Variants in SPMIP4 observed in about 807,000 individuals in gnomAD.
SPMIP4 encodes sperm-associated microtubule inner protein 4.
At chr7:25,172,491 G>A in the SPMIP4 span, among the ~76,000 whole-genome samples, 2 of 152,180 alleles carry the variant, frequency 1.3e-5, no homozygotes, top group African/African-American at 4.8e-5. This position sits in a 1 kb window ranked among gnomAD's most constrained non-coding sequence, Gnocchi z 4.2. Flanking sequence ...AGCATGGCAT[G>A]GTGTGACTCT....
the SPMIP4 span, among the ~76,000 whole-genome samples, chr7:25,145,739 TC>T: frequency 6.6e-6 from 1 of 152,208 alleles, no homozygotes; most frequent in Non-Finnish European, 1.5e-5. Context: ...GTGGTTACAT[TC>T]CCAGCATAGC....
At chr7:25,152,807 G>C in the SPMIP4 span, among the ~76,000 whole-genome samples, 9 of 138,424 alleles carry the variant, frequency 6.5e-5, no homozygotes, top group Admixed American at 6.8e-4. Context: ...GCAGTGGCAT[G>C]ATCTCAGCTC....
chr7:25,133,843 T>C, the SPMIP4 span, among the ~76,000 whole-genome samples: 1 of 152,208 alleles, frequency 6.6e-6, no homozygotes, highest in Non-Finnish European at 1.5e-5. Context: ...CATTGCTCTA[T>C]ATATTATGTT....
the SPMIP4 span, among the ~76,000 whole-genome samples, chr7:25,173,771 C>T: frequency 1.3e-5 from 2 of 152,192 alleles, no homozygotes; most frequent in Non-Finnish European, 2.9e-5. This position sits in a 1 kb window ranked among gnomAD's most constrained non-coding sequence, Gnocchi z 4.4. Context: ...AATTTCTCAA[C>T]ATCTGACCCC....
the SPMIP4 span, among the ~76,000 whole-genome samples, chr7:25,147,408 G>A: frequency 1.3e-5 from 2 of 152,172 alleles, no homozygotes; most frequent in African/African-American, 4.8e-5. Flanking sequence ...GGAAGAGAAG[G>A]GTAGCAGGAG....
chr7:25,127,943 A>G, the SPMIP4 span, among the ~76,000 whole-genome samples: 81 of 152,364 alleles, frequency 5.3e-4, no homozygotes, highest in African/African-American at 1.9e-3. Flanking sequence ...CAGTAAAACT[A>G]TAGCTTTTGC....
chr7:25,154,994 T>C, the SPMIP4 span: 1 of 1,599,802 alleles, frequency 6.3e-7, no homozygotes, highest in Non-Finnish European at 8.6e-7. Context: ...CAGTTCTGAT[T>C]CCAGGTCACA....
At chr7:25,163,899 T>C in the SPMIP4 span, among the ~76,000 whole-genome samples, 9 of 152,360 alleles carry the variant, frequency 5.9e-5, no homozygotes, top group Non-Finnish European at 1.2e-4. This position sits in a 1 kb window ranked among gnomAD's most constrained non-coding sequence, Gnocchi z 4.4. Flanking sequence ...CCATGACGTA[T>C]TAAACAATAT....
the SPMIP4 span, chr7:25,180,321 T>G: frequency 1.3e-5 from 2 of 152,268 alleles, no homozygotes; most frequent in Admixed American, 6.5e-5. Context: ...GTGAACGGAG[T>G]GCGAGGCGCC....
chr7:25,154,948 T>G, the SPMIP4 span: 3 of 1,482,780 alleles, frequency 2.0e-6, no homozygotes, highest in African/African-American at 2.8e-5. Flanking sequence ...TGCTTTAATT[T>G]TATTATTGAA....
At chr7:25,136,776 A>T in the SPMIP4 span, 1 of 1,608,526 alleles carries the variant, frequency 6.2e-7, no homozygotes, top group Non-Finnish European at 8.5e-7. The surrounding 1 kb of genome is among the most constrained non-coding windows in gnomAD (Gnocchi z 5.7). Context: ...GTTTGAAGAC[A>T]GGGTGGAATT....
At chr7:25,152,743 T>C in the SPMIP4 span, among the ~76,000 whole-genome samples, 9 of 138,832 alleles carry the variant, frequency 6.5e-5, no homozygotes, top group Non-Finnish European at 1.4e-4. Context: ...CCCTTCGTTG[T>C]CTCTCTTTTT....
At chr7:25,160,537 G>A in the SPMIP4 span, among the ~76,000 whole-genome samples, 10 of 152,276 alleles carry the variant, frequency 6.6e-5, no homozygotes, top group East Asian at 1.9e-3. Context: ...GACCTCAGGT[G>A]ATGCACCCTC....
the SPMIP4 span, chr7:25,179,273 C>G: frequency 3.7e-6 from 6 of 1,613,210 alleles, no homozygotes; most frequent in East Asian, 1.3e-4. Context: ...CTTCAAGCTC[C>G]CTGCAACAGT....
chr7:25,168,463 T>C, the SPMIP4 span: 8 of 1,575,264 alleles, frequency 5.1e-6, no homozygotes, highest in South Asian at 7.1e-5. Context: ...TAATTCCTGA[T>C]ACCTGTGAAA....
the SPMIP4 span, among the ~76,000 whole-genome samples, chr7:25,161,713 C>T: frequency 3.3e-5 from 5 of 151,118 alleles, no homozygotes; most frequent in Non-Finnish European, 5.9e-5. Flanking sequence ...CCTCAGCCTC[C>T]CAAAGTGCTG....
chr7:25,142,644 A>G, the SPMIP4 span: 1 of 1,606,716 alleles, frequency 6.2e-7, no homozygotes, highest in Non-Finnish European at 8.5e-7. Flanking sequence ...TCATACCTGT[A>G]AAATCATGAG....
At chr7:25,140,496 T>C in the SPMIP4 span, among the ~76,000 whole-genome samples, 8 of 151,974 alleles carry the variant, frequency 5.3e-5, no homozygotes, top group African/African-American at 1.7e-4. Flanking sequence ...GAGACAGGGT[T>C]TCACCATGTT....
At chr7:25,130,383 G>A in the SPMIP4 span, among the ~76,000 whole-genome samples, 1 of 148,748 alleles carries the variant, frequency 6.7e-6, no homozygotes. Flanking sequence ...CGCGATCTCG[G>A]CTCACTGCAA....
Sources: gnomAD v4.1 joint callset for allele counts (sites outside exome capture counted in the v4.1 genomes callset) on GRCh38, gnomAD v4.1.1 for gene constraint, Gnocchi (gnomAD v3.1) non-coding constraint, MANE v1.5 for transcripts, NCBI Gene and HGNC (gene_info 2026-07-23, HGNC 2026-07-21) for gene names.